Variants in RBFOX1 observed in about 807,000 individuals in gnomAD.
The protein encoded by RBFOX1 is RNA binding protein fox-1 homolog 1.
In RBFOX1, 8 loss-of-function variants were observed where a neutral mutation model predicts 57.7. The observed-to-expected ratio is 0.14, with a 90% CI of 0.08 to 0.25. The LOEUF (loss-of-function observed/expected upper bound fraction) is 0.25. Among genes scored for constraint, RBFOX1 ranks in the 10% least tolerant of loss-of-function variants. The probability of loss-of-function intolerance (pLI) is 1.00; values close to 1 mark genes in which losing one functional copy is unlikely to be tolerated. For missense variants in RBFOX1, 611 were observed against 548.5 expected (o/e 1.11, Z -1.14); for synonymous variants, 326 against 222.4 (o/e 1.47, Z -4.15).
chr16:5,273,710 T>C (rs2280735), intron 1 of RBFOX1, among the ~76,000 whole-genome samples: 103,643 of 151,906 alleles, frequency 0.68, 35,792 homozygotes, highest in African/African-American at 0.79. Flanking sequence ...TGGGGCTGAG[T>C]CTGTGGGTCA....
chr16:6,755,066 G>T (rs1478090895), intron 3 of RBFOX1, among the ~76,000 whole-genome samples: 1 of 152,134 alleles, frequency 6.6e-6, no homozygotes, highest in Non-Finnish European at 1.5e-5. Context: ...AGTATTCCAT[G>T]GTGTATATGT....
At chr16:6,933,157 G>A (rs2076830953) in intron 3 of RBFOX1, among the ~76,000 whole-genome samples, 1 of 152,136 alleles carries the variant, frequency 6.6e-6, no homozygotes, top group Non-Finnish European at 1.5e-5. Context: ...GTAGACGCTT[G>A]GGTTCCTTCC....
At chr16:6,691,365 A>T (rs1249061279) in intron 3 of RBFOX1, among the ~76,000 whole-genome samples, 1 of 151,958 alleles carries the variant, frequency 6.6e-6, no homozygotes. Context: ...ATCATTCTTC[A>T]CTCTTCTCTG....
At position 6,932,070 on chromosome 16, in the gene RBFOX1, C is replaced by T. The variant is rs538484312; in HGVS notation, c.-15-119987C>T. Reference sequence around the variant, plus strand: ...TTCTTGAGGGCAGAGCCTTCATGACCTGATCATCTTGGTTTTTGTTGTTGT... The same window carrying T: ...TTCTTGAGGGCAGAGCCTTCATGACTTGATCATCTTGGTTTTTGTTGTTGT... On this transcript the variant is annotated intron_variant, in intron 3 of 15. Coordinates refer to ENST00000550418, the MANE Select transcript of RBFOX1 (RefSeq NM_018723.4). 5.7e-4 allele frequency among the ~76,000 whole-genome samples: 87 copies of T among 152,204 alleles called. 1 individual carries two copies. Among genetic ancestry groups the T allele is most frequent in the African/African-American group, 2.0e-3 (85 of 41,532 alleles).
chr16:5,620,980 A>G (rs1192265009), intron 3 of RBFOX1, among the ~76,000 whole-genome samples: 3 of 152,072 alleles, frequency 2.0e-5, no homozygotes, highest in Non-Finnish European at 4.4e-5. Flanking sequence ...AGCTGGGACT[A>G]TAGACGCTCG....
intron 4 of RBFOX1, among the ~76,000 whole-genome samples, chr16:7,156,244 A>G (rs771478684): frequency 6.9e-6 from 1 of 145,372 alleles, no homozygotes; most frequent in African/African-American, 2.7e-5. Flanking sequence ...ACACACATAT[A>G]TATGTATACA....
At chr16:6,861,283 T>A (rs1006794554) in intron 3 of RBFOX1, among the ~76,000 whole-genome samples, 6 of 152,112 alleles carry the variant, frequency 3.9e-5, no homozygotes, top group African/African-American at 1.4e-4. Context: ...GCAAAAGGGT[T>A]TTATACAAAA....
intron 2 of RBFOX1, among the ~76,000 whole-genome samples, chr16:6,559,772 T>C (rs1041835982): frequency 6.6e-6 from 1 of 152,180 alleles, no homozygotes; most frequent in East Asian, 1.9e-4. Context: ...ACCTACTATG[T>C]GCCAGGCGCT....
chr16:5,560,047 G>A lies in RBFOX1; in HGVS notation c.259-38855G>A, dbSNP rs903888947. The stretch of plus-strand genomic sequence containing the variant: ...TCTCTTGTCTGTCTTATAACCTATT[G>A]CTATATTCCCAGAGTGTCAACAGTG... On this transcript the variant is annotated intron_variant, in intron 2 of 2. Transcript: ENST00000585867. Among the ~76,000 whole-genome samples, 5 of 152,252 alleles carry A rather than the reference G, an allele frequency of 3.3e-5. No homozygotes were observed. The East Asian group carries it at 9.7e-4, about 29-fold the overall frequency.
chr16:7,655,264 GAAGGGAAAGTT>G (rs986404119), intron 12 of RBFOX1, among the ~76,000 whole-genome samples: 6 of 152,202 alleles, frequency 3.9e-5, no homozygotes, highest in Admixed American at 6.5e-5. Flanking sequence ...AACCATCAGA[GAAGGGAAAGTT>G]AAGGAAAAGT....
At chr16:7,441,119 C>G (rs1043281582) in intron 4 of RBFOX1, among the ~76,000 whole-genome samples, 3 of 152,180 alleles carry the variant, frequency 2.0e-5, no homozygotes, top group Non-Finnish European at 4.4e-5. Context: ...AGTGACCTGC[C>G]TTCCTCTATA....
intron 3 of RBFOX1, among the ~76,000 whole-genome samples, chr16:6,703,451 C>T (rs1301608597): frequency 2.0e-5 from 3 of 151,914 alleles, no homozygotes; most frequent in Non-Finnish European, 4.4e-5. Context: ...GTGGTACATG[C>T]CTGTAGTCCT....
intron 3 of RBFOX1, among the ~76,000 whole-genome samples, chr16:6,751,322 T>C (rs191289299): frequency 6.6e-6 from 1 of 152,206 alleles, no homozygotes; most frequent in East Asian, 1.9e-4. Flanking sequence ...GAAATGACAG[T>C]GCCCTCTACC....
intron 2 of RBFOX1, among the ~76,000 whole-genome samples, chr16:6,596,291 G>T (rs1197221737): frequency 1.3e-5 from 2 of 152,094 alleles, no homozygotes; most frequent in Non-Finnish European, 2.9e-5. Context: ...AATTTTGCAT[G>T]TGGTGAGATA....
Position 7,184,999 on chromosome 16 carries a change from GC to G in RBFOX1, c.27+132905del, listed in dbSNP as rs146698824. On this transcript the variant is annotated intron_variant, in intron 4 of 15. Transcript: ENST00000550418. Reference sequence around the variant, plus strand: ...GTAAACATACAATATGCATAGGATAGCCCCACTTTGCCAATAAGGAAATTGA... The same window carrying G: ...GTAAACATACAATATGCATAGGATAGCCCACTTTGCCAATAAGGAAATTGA... Among the ~76,000 whole-genome samples the G allele has an allele frequency of 9.2e-3, 1,400 of 152,246 alleles. 23 individuals carry two copies. Among genetic ancestry groups the G allele is most frequent in the African/African-American group, 0.032 (1,331 of 41,528 alleles).
chr16:7,201,813 G>A (rs533977723), intron 4 of RBFOX1, among the ~76,000 whole-genome samples: 3 of 152,092 alleles, frequency 2.0e-5, no homozygotes, highest in East Asian at 1.9e-4. Flanking sequence ...GAATGGGCAC[G>A]GCAAGCGTGA....
At chr16:5,352,779 C>T (rs1190754766) in intron 1 of RBFOX1, among the ~76,000 whole-genome samples, 1 of 151,828 alleles carries the variant, frequency 6.6e-6, no homozygotes, top group Non-Finnish European at 1.5e-5. Flanking sequence ...CCTGTCCCTA[C>T]AAAAAATATA....
intron 1 of RBFOX1, among the ~76,000 whole-genome samples, chr16:6,057,831 T>G (rs1234548535): frequency 6.8e-6 from 1 of 147,512 alleles, no homozygotes; most frequent in Admixed American, 6.9e-5. Context: ...ATGGGTTTTT[T>G]TTTTTTTTTT....
At chr16:6,833,503 C>A (rs2092861807) in intron 3 of RBFOX1, among the ~76,000 whole-genome samples, 1 of 152,152 alleles carries the variant, frequency 6.6e-6, no homozygotes, top group Non-Finnish European at 1.5e-5. Context: ...CTCAGGGAGA[C>A]CCTCCTTGAC....
Sources: allele counts gnomAD v4.1 joint callset (sites outside exome capture counted in the v4.1 genomes callset), GRCh38; gene constraint gnomAD v4.1.1; transcripts MANE v1.5; gene names NCBI Gene and HGNC (gene_info 2026-07-23, HGNC 2026-07-21).